SLC30A10: variants seen among roughly 807,000 people sequenced by gnomAD.
SLC30A10 encodes the protein solute carrier family 30 member 10.
SLC30A10 carries 8 observed loss-of-function variants against 21.7 expected under a neutral mutation model. The ratio of observed to expected loss-of-function variants is 0.37; its 90% CI spans 0.22 to 0.67. The LOEUF is 0.67. SLC30A10 is among the 30% of genes least tolerant of loss of function. The pLI, the probability that SLC30A10 is intolerant of heterozygous loss-of-function variation, is 0.58. For missense variants in SLC30A10, 521 were observed against 642.5 expected (o/e 0.81, Z 2.04); for synonymous variants, 272 against 279.4 (o/e 0.97, Z 0.26).
intron 2 of SLC30A10, among the ~76,000 whole-genome samples, chr1:219,922,208 T>G (rs1020189075): frequency 0.07 from 3,096 of 44,216 alleles, 200 homozygotes; most frequent in East Asian, 0.089. Context: ...TTTTTTTTTT[T>G]TTTTTTTTTT....
intron 2 of SLC30A10, among the ~76,000 whole-genome samples, chr1:219,924,331 G>A (rs963365196): frequency 6.6e-6 from 1 of 152,200 alleles, no homozygotes; most frequent in Non-Finnish European, 1.5e-5. Flanking sequence ...GGCCAGAAAT[G>A]TGATGTAGGA....
chr1:219,913,903 G>C lies in SLC30A10; in HGVS notation c.*1546C>G, dbSNP rs932713786. 1 of 152,056 alleles carries C rather than the reference G, an allele frequency of 6.6e-6. No homozygotes were observed. The highest frequency in any genetic ancestry group is 1.5e-5 in the Non-Finnish European group (1 of 68,004). The allele number at this position is 152,056 out of a possible 1,614,324, so 9.4% of individuals were successfully genotyped here. On this transcript the variant is annotated 3_prime_UTR_variant, in exon 4 of 4. Transcript: ENST00000366926. ...CAAGGCCAGCTGGGCAACATAGCGA[G>C]ACCCTGTCTCTACAAAAAAAGAAAA...
chr1:219,944,714 C>T (rs1453185852), intron 1 of SLC30A10, among the ~76,000 whole-genome samples: 11 of 152,078 alleles, frequency 7.2e-5, no homozygotes. Context: ...CCTAGAGCAA[C>T]TACTAACAAA....
intron 1 of SLC30A10, among the ~76,000 whole-genome samples, chr1:219,943,290 A>T (rs1346001222): frequency 6.6e-6 from 1 of 152,194 alleles, no homozygotes; most frequent in East Asian, 1.9e-4. Flanking sequence ...ACTCAATAGA[A>T]GGTGCCCCTG....
intron 2 of SLC30A10, among the ~76,000 whole-genome samples, chr1:219,925,111 T>C (rs1317799978): frequency 6.6e-6 from 1 of 152,188 alleles, no homozygotes; most frequent in Non-Finnish European, 1.5e-5. Flanking sequence ...CTTCAATAGC[T>C]TAGGACTAAA....
chr1:219,934,933 G>A (rs909685614), intron 1 of SLC30A10, among the ~76,000 whole-genome samples: 1 of 152,172 alleles, frequency 6.6e-6, no homozygotes, highest in African/African-American at 2.4e-5. Flanking sequence ...AAGGGGACAA[G>A]GGTAAGTGAA....
intron 1 of SLC30A10, among the ~76,000 whole-genome samples, chr1:219,944,153 TA>T (rs970021497): frequency 1.1e-4 from 15 of 133,486 alleles, no homozygotes; most frequent in Middle Eastern, 0.01. Flanking sequence ...ATTTTAAAAT[TA>T]AAAAAAAAAC....
At chr1:219,932,950 A>G (rs1310676478), upstream of SLC30A10, among the ~76,000 whole-genome samples, 2 of 150,030 alleles carry the variant, frequency 1.3e-5, no homozygotes, top group Admixed American at 6.6e-5. Flanking sequence ...AATCCCAGCT[A>G]CTCGGGAGGC....
At chr1:219,922,185 T>TTTTG (rs1659708581) in intron 2 of SLC30A10, among the ~76,000 whole-genome samples, 1 of 8,916 alleles carries the variant, frequency 1.1e-4, no homozygotes, top group Non-Finnish European at 2.5e-4. Context: ...TGTTTTTTTT[T>TTTTG]TTTTTTTTTT....
chr1:219,938,211 TC>T (rs1301923747), intron 1 of SLC30A10, among the ~76,000 whole-genome samples: 1 of 152,188 alleles, frequency 6.6e-6, no homozygotes, highest in African/African-American at 2.4e-5. Flanking sequence ...ATATGCTTCT[TC>T]CCATCAGGAT....
intron 1 of SLC30A10, among the ~76,000 whole-genome samples, chr1:219,934,575 A>G (rs12129498): frequency 0.084 from 12,813 of 152,254 alleles, 699 homozygotes; most frequent in East Asian, 0.15. Context: ...AGATGACATC[A>G]ATTTTTATAT....
intron 1 of SLC30A10, among the ~76,000 whole-genome samples, chr1:219,946,884 T>A (rs1660192152): frequency 6.6e-6 from 1 of 152,206 alleles, no homozygotes; most frequent in Non-Finnish European, 1.5e-5. Flanking sequence ...TCCTTATTTC[T>A]CAAGTAGTTC....
intron 2 of SLC30A10, among the ~76,000 whole-genome samples, chr1:219,921,379 G>C (rs1659672022): frequency 6.6e-6 from 1 of 152,172 alleles, no homozygotes; most frequent in African/African-American, 2.4e-5. Context: ...CAACTAAAAA[G>C]TGTTAACTGG....
intron 1 of SLC30A10, among the ~76,000 whole-genome samples, chr1:219,950,272 G>C (rs1402438442): frequency 6.6e-6 from 1 of 152,180 alleles, no homozygotes; most frequent in Non-Finnish European, 1.5e-5. Flanking sequence ...AGTTTTAAAA[G>C]TACAAGTAAT....
At chr1:219,944,312 G>C (rs981948167) in intron 1 of SLC30A10, among the ~76,000 whole-genome samples, 1 of 152,064 alleles carries the variant, frequency 6.6e-6, no homozygotes, top group African/African-American at 2.4e-5. Flanking sequence ...GCCAGGCATG[G>C]TGGTGGGCAC....
chr1:219,938,915 G>A (rs947888484), intron 1 of SLC30A10, among the ~76,000 whole-genome samples: 13 of 152,172 alleles, frequency 8.5e-5, no homozygotes, highest in Non-Finnish European at 1.3e-4. Flanking sequence ...TTGGCAGGTC[G>A]CAGCAGCTTA....
In SLC30A10 at chr1:219,912,726, C is replaced by T. The variant is rs143706990; in HGVS notation, c.*2723G>A. On this transcript the variant is annotated 3_prime_UTR_variant, in exon 4 of 4. Transcript: ENST00000366926. ...GCGAGCACCTGTAATCCCAGCTACT[C>T]GGGAGGCTGAGGCAGGAGAATGGCG... 5.6e-4 allele frequency among the ~76,000 whole-genome samples: 41 copies of T among 72,882 alleles called. No individual in the cohort carries two copies. In the East Asian group the frequency reaches 0.019, roughly 35 times the overall value. The allele number at this position is 72,882 out of a possible 152,430, so 47.8% of individuals were successfully genotyped here.
At chr1:219,954,412 G>T (rs997777793) in intron 1 of SLC30A10, among the ~76,000 whole-genome samples, 1 of 152,048 alleles carries the variant, frequency 6.6e-6, no homozygotes, top group African/African-American at 2.4e-5. Context: ...GGGCACAGTG[G>T]TTCACACCTG....
chr1:219,921,953 G>C (rs1046126073), intron 2 of SLC30A10, among the ~76,000 whole-genome samples: 6 of 149,610 alleles, frequency 4.0e-5, no homozygotes, highest in African/African-American at 1.5e-4. Context: ...GACCGAGAGA[G>C]AGAGACAGAG....
Sources: allele counts gnomAD v4.1 joint callset (sites outside exome capture counted in the v4.1 genomes callset), GRCh38; gene constraint gnomAD v4.1.1; transcripts MANE v1.5; gene names NCBI Gene and HGNC (gene_info 2026-07-23, HGNC 2026-07-21).